The following DGKI variants were observed in gnomAD, a reference collection of about 807,000 sequenced individuals.
The protein encoded by DGKI is DAG kinase iota.
DGKI carries 55 observed loss-of-function variants against 147.5 expected under a neutral mutation model. The ratio of observed to expected loss-of-function variants is 0.37; its 90% CI spans 0.30 to 0.47. The LOEUF (loss-of-function observed/expected upper bound fraction) is 0.47. Among genes scored for constraint, DGKI ranks in the 20% least tolerant of loss-of-function variants. The probability of loss-of-function intolerance (pLI) is 1.00; values close to 1 mark genes in which losing one functional copy is unlikely to be tolerated. For missense variants in DGKI, 1,007 were observed against 1,323.8 expected (o/e 0.76, Z 3.71); for synonymous variants, 469 against 477.1 (o/e 0.98, Z 0.22).
At chr7:137,707,884 A>T (rs556402839) in intron 1 of DGKI, among the ~76,000 whole-genome samples, 2 of 152,332 alleles carry the variant, frequency 1.3e-5, no homozygotes, top group Admixed American at 6.5e-5. Flanking sequence ...CCAGGATGGT[A>T]GCGTCATGAT....
At chr7:137,408,116 G>C (rs1253139173) in intron 29 of DGKI, 121 bp from the exon 30 acceptor site, 7 of 1,222,084 alleles carry the variant, frequency 5.7e-6, no homozygotes, top group East Asian at 4.9e-5. Flanking sequence ...AGAGGACATA[G>C]AGAAAAGTCA....
chr7:137,746,339 A>G (rs1795329893), intron 1 of DGKI, among the ~76,000 whole-genome samples: 1 of 152,138 alleles, frequency 6.6e-6, no homozygotes. Context: ...AGTCACATGA[A>G]GGTGATACAA....
intron 1 of DGKI, among the ~76,000 whole-genome samples, chr7:137,807,553 CT>C (rs1797419760): frequency 6.6e-6 from 1 of 152,226 alleles, no homozygotes; most frequent in Non-Finnish European, 1.5e-5. Context: ...TGGGCCAGCA[CT>C]TCTCAAACTT....
chr7:137,659,981 C>T lies in DGKI; in HGVS notation c.607-3441G>A, dbSNP rs151252288. Among the ~76,000 whole-genome samples the T allele has an allele frequency of 2.3e-3, 354 of 152,302 alleles. 2 individuals are homozygous for T. The highest frequency in any genetic ancestry group is 7.2e-3 in the African/African-American group (300 of 41,564). On this transcript the variant is annotated intron_variant, in intron 3 of 32. Transcript: ENST00000614521. Reference sequence around the variant, plus strand: ...ACCTCTTATTCCTTACATTGGGACACAGTTGTTATAGAACCTAGCACAAAA... The same window carrying T: ...ACCTCTTATTCCTTACATTGGGACATAGTTGTTATAGAACCTAGCACAAAA...
chr7:137,559,276 A>T (rs974202922), intron 19 of DGKI, among the ~76,000 whole-genome samples: 1 of 150,986 alleles, frequency 6.6e-6, no homozygotes, highest in Non-Finnish European at 1.5e-5. Flanking sequence ...TTTCACCGTT[A>T]TAGCCGGGAT....
At chr7:137,606,218 A>AT (rs1820179870) in intron 10 of DGKI, among the ~76,000 whole-genome samples, 1 of 152,160 alleles carries the variant, frequency 6.6e-6, no homozygotes, top group Admixed American at 6.6e-5. Context: ...CACAAGTAAA[A>AT]TATTATATAA....
intron 28 of DGKI, among the ~76,000 whole-genome samples, chr7:137,433,920 C>A (rs1322282285): frequency 6.6e-6 from 1 of 151,946 alleles, no homozygotes; most frequent in Non-Finnish European, 1.5e-5. Flanking sequence ...GAGTTCGAGA[C>A]CAGCCTGGCC....
At chr7:137,438,938 C>T (rs965742957) in intron 28 of DGKI, among the ~76,000 whole-genome samples, 1 of 152,012 alleles carries the variant, frequency 6.6e-6, no homozygotes, top group African/African-American at 2.4e-5. Context: ...ATCCACGTAT[C>T]CATTCATATG....
At chr7:137,714,718 A>G (rs1202178207) in intron 1 of DGKI, among the ~76,000 whole-genome samples, 4 of 152,162 alleles carry the variant, frequency 2.6e-5, no homozygotes, top group Admixed American at 1.3e-4. Context: ...CTGAAACTCA[A>G]TATTATCTCT....
At chr7:137,411,525 T>C (rs1038714076) in intron 29 of DGKI, among the ~76,000 whole-genome samples, 1 of 152,124 alleles carries the variant, frequency 6.6e-6, no homozygotes, top group Non-Finnish European at 1.5e-5. Context: ...ATTTTACTGA[T>C]GAAAAAACTA....
intron 4 of DGKI, among the ~76,000 whole-genome samples, chr7:137,655,789 A>C (rs1332783409): frequency 6.6e-6 from 1 of 152,238 alleles, no homozygotes; most frequent in Non-Finnish European, 1.5e-5. Context: ...GCTCAAGAAC[A>C]TAGATAATAC....
Position 137,485,413 on chromosome 7 carries a change from T to C in DGKI, c.2334A>G (p.Leu778=). 6.2e-7 allele frequency: 1 copy of C among 1,607,632 alleles called. No homozygotes were observed. Among genetic ancestry groups the C allele is most frequent in the Non-Finnish European group, 8.5e-7 (1 of 1,176,798 alleles). The stretch of plus-strand genomic sequence containing the variant: ...TCTGGGAGCCAGAAGAAACTGACTG[T>C]AGGTCCTAATGAGAAAATGAAAAAA... ...RMYIDRLQED[L]QSVSSGSQRV... Residue 778 remains leucine, a synonymous_variant, in exon 23 of 33, where the codon CTA becomes CTG. Coordinates refer to ENST00000614521, the MANE Select transcript of DGKI (RefSeq NM_001321708.2).
At position 137,521,934 on chromosome 7, in the gene DGKI, C is replaced by T. The variant is rs767889222; in HGVS notation, c.2180G>A (p.Arg727Gln). 4.3e-6 allele frequency: 7 copies of T among 1,611,712 alleles called. No homozygotes were observed. Among genetic ancestry groups the T allele is most frequent in the Middle Eastern group, 1.6e-4 (1 of 6,062 alleles). The stretch of plus-strand genomic sequence containing the variant: ...GTCTTGTAAACTGATTTTGTTCACC[C>T]GGATCCTCAGACGATCTGGGACAGA... ...PQSVPDRLRI[R>Q]VNKISLQDYE... is the part of the protein sequence containing the mutation. Residue 727 changes from arginine to glutamine, a missense_variant, in exon 21 of 33, where the codon CGG becomes CAG. Physicochemically the swap from Arg to Gln is conservative, Grantham distance 43 (BLOSUM62 1). Transcript: ENST00000614521.
chr7:137,609,842 A>G (rs535191487), intron 8 of DGKI, among the ~76,000 whole-genome samples: 99 of 152,200 alleles, frequency 6.5e-4, no homozygotes, highest in African/African-American at 2.3e-3. Flanking sequence ...AGAACCCCAG[A>G]GGCTCTCATG....
At chr7:137,775,356 T>C (rs906145714) in intron 1 of DGKI, among the ~76,000 whole-genome samples, 9 of 152,204 alleles carry the variant, frequency 5.9e-5, no homozygotes, top group Non-Finnish European at 1.2e-4. Context: ...AATACTGACT[T>C]CTCTGGACCA....
intron 25 of DGKI, 135 bp downstream of exon 25, chr7:137,466,767 G>T: frequency 1.2e-6 from 1 of 846,090 alleles, no homozygotes; most frequent in Non-Finnish European, 2.0e-6. Context: ...AAAGGTTCAA[G>T]CTTAAGTTAT....
chr7:137,615,402 T>C lies in DGKI; in HGVS notation c.993+4422A>G, dbSNP rs6968296. 5.7e-3 allele frequency among the ~76,000 whole-genome samples: 874 copies of C among 152,216 alleles called. 14 individuals are homozygous for C. The highest frequency in any genetic ancestry group is 0.02 in the African/African-American group (816 of 41,538). Reference sequence around the variant, plus strand: ...ATTCATCTTTGGACCTCCTACTGTATACAATAGCATCTCTGAATGTAGTTA... The same window carrying C: ...ATTCATCTTTGGACCTCCTACTGTACACAATAGCATCTCTGAATGTAGTTA... On this transcript the variant is annotated intron_variant, in intron 8 of 32. Transcript: ENST00000614521.
intron 28 of DGKI, 148 bp from the exon 29 acceptor site, chr7:137,412,355 C>T (rs1585088796): frequency 1.3e-6 from 1 of 741,884 alleles, no homozygotes; most frequent in Non-Finnish European, 2.3e-6. Context: ...AGACCGAGGC[C>T]CCCTCTTTAA....
chr7:137,556,026 T>C (rs1818212371), intron 19 of DGKI, among the ~76,000 whole-genome samples: 1 of 152,210 alleles, frequency 6.6e-6, no homozygotes, highest in African/African-American at 2.4e-5. Flanking sequence ...AAAGTTATTA[T>C]GGTTTATTGT....
Sources: gnomAD v4.1 joint callset for allele counts (sites outside exome capture counted in the v4.1 genomes callset) on GRCh38, gnomAD v4.1.1 for gene constraint, MANE v1.5 for transcripts, NCBI Gene and HGNC (gene_info 2026-07-23, HGNC 2026-07-21) for gene names.